MAK: variants seen among roughly 807,000 people sequenced by gnomAD.
MAK encodes the protein male germ cell associated kinase.
A neutral mutation model predicts 82.6 loss-of-function variants in MAK; 65 were observed. The observed-to-expected ratio is 0.79, with a 90% confidence interval of 0.64 to 0.97. The LOEUF (loss-of-function observed/expected upper bound fraction) is 0.97. Among genes scored for constraint, MAK ranks in the 50% least tolerant of loss-of-function variants. The pLI is 0.00. For synonymous variants in MAK, 250 were observed against 274.2 expected (o/e 0.91, Z 0.87); for missense variants, 703 against 780.2 (o/e 0.90, Z 1.18).
chr6:10,808,675 T>G (rs1352910604), intron 6 of MAK, 135 bp downstream of exon 6: 1 of 928,668 alleles, frequency 1.1e-6, no homozygotes, highest in African/African-American at 1.6e-5. Context: ...ATCCTTCGCT[T>G]TCTTTAAAGA....
Position 10,813,630 on chromosome 6 carries a change from TAAAAG to T in MAK, c.358+9_358+13del, listed in dbSNP as rs752364539. 7.4e-6 allele frequency: 11 copies of T among 1,490,040 alleles called. No homozygotes were observed. Among genetic ancestry groups the T allele is most frequent in the African/African-American group, 1.4e-5 (1 of 72,450 alleles). The allele number at this position is 1,490,040 out of a possible 1,614,324, so 92.3% of individuals were successfully genotyped here. ...TCTAAAGAGGTAGGGAAATTAAACT[TAAAAG>T]AAACCTACCATGTTTATGGATAAAA... On this transcript the variant is annotated intron_variant, in intron 5 of 14. Coordinates refer to ENST00000354489, the MANE Select transcript of MAK (RefSeq NM_001242957.3).
intron 2 of MAK, among the ~76,000 whole-genome samples, chr6:10,819,875 G>A (rs562712905): frequency 6.6e-6 from 1 of 152,264 alleles, no homozygotes; most frequent in East Asian, 1.9e-4. Flanking sequence ...CACTTTGGGA[G>A]GCGGAGGCGG....
intron 13 of MAK, among the ~76,000 whole-genome samples, chr6:10,772,545 A>G (rs1206717274): frequency 6.8e-6 from 1 of 146,448 alleles, no homozygotes; most frequent in African/African-American, 2.8e-5. Context: ...GGGTTTCATC[A>G]TGTTGGCCAG....
chr6:10,798,330 G>C (rs1466636657), intron 8 of MAK, among the ~76,000 whole-genome samples: 1 of 151,898 alleles, frequency 6.6e-6, no homozygotes, highest in Admixed American at 6.6e-5. Context: ...GGTCAGGCCG[G>C]TCTCAAGCTC....
chr6:10,773,795 G>A (rs1027927106), intron 12 of MAK, among the ~76,000 whole-genome samples: 2 of 151,030 alleles, frequency 1.3e-5, no homozygotes, highest in Non-Finnish European at 2.9e-5. Context: ...GGGTTCAAGC[G>A]ATTCTCCTGT....
At chr6:10,821,477 T>C (rs973793893) in intron 2 of MAK, among the ~76,000 whole-genome samples, 1 of 151,468 alleles carries the variant, frequency 6.6e-6, no homozygotes, top group Non-Finnish European at 1.5e-5. Flanking sequence ...GGTTTTGCCA[T>C]GTTGGCCAGG....
chr6:10,826,323 G>C (rs1191487700), intron 2 of MAK, among the ~76,000 whole-genome samples: 1 of 145,232 alleles, frequency 6.9e-6, no homozygotes, highest in Non-Finnish European at 1.5e-5. Flanking sequence ...TACTTCTCCA[G>C]TGTGGCTTAT....
intron 6 of MAK, among the ~76,000 whole-genome samples, chr6:10,806,712 C>T (rs1054915613): frequency 6.6e-6 from 1 of 151,830 alleles, no homozygotes; most frequent in Non-Finnish European, 1.5e-5. Context: ...AGGCTGGTCT[C>T]GAACTCCTGA....
intron 11 of MAK, among the ~76,000 whole-genome samples, chr6:10,782,734 C>T (rs1484914993): frequency 3.3e-5 from 5 of 151,970 alleles, no homozygotes; most frequent in African/African-American, 7.3e-5. Context: ...CCCACCACCA[C>T]GTCCAGCTAA....
intron 8 of MAK, among the ~76,000 whole-genome samples, chr6:10,801,225 A>G (rs1449490670): frequency 6.6e-6 from 1 of 152,224 alleles, no homozygotes; most frequent in African/African-American, 2.4e-5. Context: ...ATTAATTTTA[A>G]AAAAAGCAAA....
chr6:10,779,127 CAAAAAAAA>C (rs918122203), intron 11 of MAK, among the ~76,000 whole-genome samples: 21 of 20,012 alleles, frequency 1.0e-3, no homozygotes, highest in African/African-American at 3.1e-3. Context: ...CACTTCGTCT[CAAAAAAAA>C]AAAAAAAAAA....
chr6:10,803,731 T>C lies in MAK; in HGVS notation c.652A>G (p.Thr218Ala). 6.2e-7 allele frequency: 1 copy of C among 1,613,532 alleles called. No homozygotes were observed. Among genetic ancestry groups the C allele is most frequent in the South Asian group, 1.1e-5 (1 of 91,054 alleles). Residue 218 changes from threonine to alanine, a missense_variant, in exon 7 of 15, where the codon ACT becomes GCT. Coordinates refer to ENST00000354489, the MANE Select transcript of MAK (RefSeq NM_001242957.3). Reference sequence around the variant, plus strand: ...ACAAGAGTACTTACTTTTTTGGGAGTCCCTAAAACTTGGCAAATTTTAAAG... The same window carrying C: ...ACAAGAGTACTTACTTTTTTGGGAGCCCCTAAAACTTGGCAAATTTTAAAG... ...EIFKICQVLG[T>A]PKKSDWPEGY...
chr6:10,805,576 A>G (rs1457212369), intron 6 of MAK, among the ~76,000 whole-genome samples: 1 of 151,888 alleles, frequency 6.6e-6, no homozygotes, highest in African/African-American at 2.4e-5. Flanking sequence ...GACAGGAAAA[A>G]AAAAAAAAAA....
At chr6:10,787,567 T>C (rs779918680) in intron 10 of MAK, among the ~76,000 whole-genome samples, 17 of 152,096 alleles carry the variant, frequency 1.1e-4, no homozygotes, top group Non-Finnish European at 1.8e-4. Flanking sequence ...AATAAAAATG[T>C]AGAAGAAATG....
intron 9 of MAK, among the ~76,000 whole-genome samples, chr6:10,792,621 A>T (rs944793388): frequency 5.3e-5 from 8 of 152,360 alleles, no homozygotes; most frequent in Middle Eastern, 3.4e-3. Flanking sequence ...ACAAATTTAC[A>T]GAAAGTGGTT....
At chr6:10,822,705 A>G (rs1778055019) in intron 2 of MAK, among the ~76,000 whole-genome samples, 1 of 152,180 alleles carries the variant, frequency 6.6e-6, no homozygotes, top group Admixed American at 6.6e-5. Flanking sequence ...TAATTCGTCA[A>G]TATCCACTCC....
At chr6:10,801,539 A>C (rs928454561) in intron 8 of MAK, among the ~76,000 whole-genome samples, 1 of 152,218 alleles carries the variant, frequency 6.6e-6, no homozygotes, top group Non-Finnish European at 1.5e-5. Flanking sequence ...AAAGTCTACT[A>C]TGTGGAATGA....
intron 4 of MAK, among the ~76,000 whole-genome samples, chr6:10,814,180 G>T (rs1777282052): frequency 1.3e-5 from 2 of 151,882 alleles, no homozygotes; most frequent in South Asian, 2.1e-4. Context: ...TGTTGGTCAG[G>T]CTGGTCTTGA....
rs1170381181 is a variant in MAK, at chr6:10,800,705, G to A, written c.831+1187C>T. On this transcript the variant is annotated intron_variant, in intron 8 of 14. Coordinates refer to ENST00000354489, the MANE Select transcript of MAK (RefSeq NM_001242957.3). The surrounding 1 kb of genome is among the most constrained non-coding windows in gnomAD (Gnocchi z 4.2). ...AAATACAAAATTAGCCAGGCGTGGT[G>A]GCTCATGCCTGTAATCTCAGCTACT... Among the ~76,000 whole-genome samples, 3 of 152,026 alleles carry A rather than the reference G, an allele frequency of 2.0e-5. No homozygotes were observed. Among genetic ancestry groups the A allele is most frequent in the Non-Finnish European group, 4.4e-5 (3 of 68,022 alleles).
Sources: gnomAD v4.1 joint callset for allele counts (sites outside exome capture counted in the v4.1 genomes callset) on GRCh38, gnomAD v4.1.1 for gene constraint, Gnocchi (gnomAD v3.1) non-coding constraint, MANE v1.5 for transcripts, NCBI Gene and HGNC (gene_info 2026-07-23, HGNC 2026-07-21) for gene names.